CELF4: variants seen among roughly 807,000 people sequenced by gnomAD.
The protein encoded by CELF4 is CUGBP Elav-like family member 4, also known as CUG-BP- and ETR-3-like factor 4.
CELF4 carries 18 observed loss-of-function variants against 59.9 expected under a neutral mutation model. That is an observed-to-expected ratio of 0.30 (90% CI 0.21 to 0.45). The LOEUF is 0.45. Ranked by LOEUF, CELF4 falls within the 20% of genes least tolerant of loss-of-function variation. CELF4 has a pLI of 1.00. For missense variants in CELF4, 456 were observed against 689.0 expected (o/e 0.66, Z 3.79); for synonymous variants, 261 against 267.1 (o/e 0.98, Z 0.22).
intron 2 of CELF4, among the ~76,000 whole-genome samples, chr18:37,440,088 CTCTG>C (rs573971092): frequency 2.9e-3 from 449 of 152,286 alleles, no homozygotes; most frequent in African/African-American, 0.01. Flanking sequence ...AGCCATGTGA[CTCTG>C]TCTGGTTAGA....
intron 2 of CELF4, among the ~76,000 whole-genome samples, chr18:37,402,427 G>A (rs574984477): frequency 1.5e-4 from 23 of 152,120 alleles, no homozygotes; most frequent in Non-Finnish European, 3.2e-4. Context: ...TCCAGGGTCA[G>A]GGGGACCCCA....
chr18:37,426,766 G>A lies in CELF4; in HGVS notation c.369+58759C>T, dbSNP rs185682050. On this transcript the variant is annotated intron_variant, in intron 2 of 12. Coordinates refer to ENST00000420428, the MANE Select transcript of CELF4 (RefSeq NM_020180.4). ...AAAACAATTTGCCAGGCCATGTTGC[G>A]TCGCCGCTGCCATGTGCGGTTTGCT... is the stretch of plus-strand genomic sequence containing the variant. Among the ~76,000 whole-genome samples the A allele has an allele frequency of 4.8e-3, 736 of 152,240 alleles. 4 individuals are homozygous for A. Among genetic ancestry groups the A allele is most frequent in the Non-Finnish European group, 7.8e-3 (532 of 68,018 alleles).
At chr18:37,398,183 A>G (rs1312025080) in intron 2 of CELF4, among the ~76,000 whole-genome samples, 10 of 151,880 alleles carry the variant, frequency 6.6e-5, no homozygotes, top group African/African-American at 1.9e-4. Context: ...ATAGCCTGTG[A>G]CCCCTTCCCC....
At chr18:37,387,868 C>T (rs2099116000) in intron 2 of CELF4, among the ~76,000 whole-genome samples, 1 of 152,242 alleles carries the variant, frequency 6.6e-6, no homozygotes, top group African/African-American at 2.4e-5. Context: ...GCCCCCTGCA[C>T]TCTCTCATCA....
intron 1 of CELF4, among the ~76,000 whole-genome samples, chr18:37,516,125 CT>C (rs35532870): frequency 7.2e-5 from 11 of 152,134 alleles, no homozygotes; most frequent in African/African-American, 1.4e-4. Context: ...TAGCAAACTG[CT>C]TTTTTCTGGC....
chr18:37,437,449 G>A (rs928671506), intron 2 of CELF4, among the ~76,000 whole-genome samples: 4 of 152,092 alleles, frequency 2.6e-5, no homozygotes, highest in South Asian at 4.2e-4. Flanking sequence ...TTCACCAAAC[G>A]ATCCAGAGAG....
intron 2 of CELF4, among the ~76,000 whole-genome samples, chr18:37,413,044 C>G (rs908465309): frequency 6.6e-6 from 1 of 152,186 alleles, no homozygotes; most frequent in African/African-American, 2.4e-5. Context: ...TTGGCTCGCT[C>G]TTCAATCATG....
intron 1 of CELF4, among the ~76,000 whole-genome samples, chr18:37,509,902 G>A (rs2099942332): frequency 6.6e-6 from 1 of 152,192 alleles, no homozygotes; most frequent in African/African-American, 2.4e-5. Flanking sequence ...AAAGAAGCCA[G>A]ACACAAGAGG....
At chr18:37,385,736 T>G (rs2099092527) in intron 2 of CELF4, among the ~76,000 whole-genome samples, 1 of 152,240 alleles carries the variant, frequency 6.6e-6, no homozygotes, top group South Asian at 2.1e-4. Context: ...TTTGTTTCTC[T>G]AGTGGTTTCA....
At chr18:37,380,912 C>A (rs532260351) in intron 2 of CELF4, among the ~76,000 whole-genome samples, 34 of 151,676 alleles carry the variant, frequency 2.2e-4, no homozygotes, top group African/African-American at 8.0e-4. Flanking sequence ...ATCCATCCAC[C>A]TATTCCTCCA....
At chr18:37,294,365 A>G (rs773101054) in intron 3 of CELF4, among the ~76,000 whole-genome samples, 22 of 151,888 alleles carry the variant, frequency 1.4e-4, no homozygotes, top group Non-Finnish European at 2.6e-4. Flanking sequence ...GTCACCAGGA[A>G]CCTCCCTTTC....
intron 2 of CELF4, among the ~76,000 whole-genome samples, chr18:37,416,124 C>T (rs570624643): frequency 1.3e-5 from 2 of 152,102 alleles, no homozygotes; most frequent in African/African-American, 2.4e-5. Context: ...AAACCATAGA[C>T]ACCAAATACA....
chr18:37,268,181 C>T (rs2154339873), intron 8 of CELF4, among the ~76,000 whole-genome samples: 1 of 152,272 alleles, frequency 6.6e-6, no homozygotes, highest in African/African-American at 2.4e-5. Context: ...GGGGGCTCTG[C>T]TCAGATGGGG....
chr18:37,535,001 A>G (rs917944326), intron 1 of CELF4, among the ~76,000 whole-genome samples: 2 of 152,218 alleles, frequency 1.3e-5, no homozygotes, highest in Non-Finnish European at 2.9e-5. Flanking sequence ...CGATGTCTAC[A>G]TGGCAGGCTG....
chr18:37,550,286 T>A (rs1189692669), intron 1 of CELF4, among the ~76,000 whole-genome samples: 2 of 152,128 alleles, frequency 1.3e-5, no homozygotes, highest in Non-Finnish European at 2.9e-5. Flanking sequence ...ATATTGATGA[T>A]GTAATAAAAA....
intron 2 of CELF4, among the ~76,000 whole-genome samples, chr18:37,342,126 C>G (rs1465380491): frequency 6.6e-6 from 1 of 151,986 alleles, no homozygotes; most frequent in African/African-American, 2.4e-5. Context: ...CTCCACCAGC[C>G]CCTTAACTTG....
At chr18:37,395,940 G>C (rs779015635) in intron 2 of CELF4, among the ~76,000 whole-genome samples, 1 of 152,130 alleles carries the variant, frequency 6.6e-6, no homozygotes, top group Non-Finnish European at 1.5e-5. Context: ...AGCCACACCT[G>C]CTCTCTTCTT....
chr18:37,367,929 C>T lies in CELF4; in HGVS notation c.370-46048G>A, dbSNP rs559462119. Among the ~76,000 whole-genome samples the T allele has an allele frequency of 4.6e-5, 7 of 152,200 alleles. No homozygotes were observed. The South Asian group carries it at 6.2e-4, about 14-fold the overall frequency. On this transcript the variant is annotated intron_variant, in intron 2 of 12. Transcript: ENST00000420428. Reference sequence around the variant, plus strand: ...ATTGTTTGGCTGTGTTAACACCCCCCACACCCAGCCCATCTTCCAGCAGAG... The same window carrying T: ...ATTGTTTGGCTGTGTTAACACCCCCTACACCCAGCCCATCTTCCAGCAGAG...
chr18:37,369,782 C>T (rs887565042), intron 2 of CELF4, among the ~76,000 whole-genome samples: 29 of 152,232 alleles, frequency 1.9e-4, no homozygotes, highest in Non-Finnish European at 3.5e-4. Flanking sequence ...CTTTCTGTTC[C>T]AGCCAGGCCA....
Sources: gnomAD v4.1 joint callset for allele counts (sites outside exome capture counted in the v4.1 genomes callset) on GRCh38, gnomAD v4.1.1 for gene constraint, MANE v1.5 for transcripts, NCBI Gene and HGNC (gene_info 2026-07-23, HGNC 2026-07-21) for gene names.